The following DYSF variants were observed in gnomAD, a reference collection of about 807,000 sequenced individuals.
DYSF encodes the protein dysferlin, also known as dystrophy-associated fer-1-like 1.
DYSF carries 212 observed loss-of-function variants against 274.9 expected under a neutral mutation model. That is an observed-to-expected ratio of 0.77 (90% CI 0.69 to 0.86). The LOEUF is 0.86. Ranked by LOEUF, DYSF falls within the 40% of genes least tolerant of loss-of-function variation. DYSF has a pLI of 0.00. For missense variants in DYSF, 2,666 were observed against 2,783.2 expected, an observed-to-expected ratio of 0.96 and a Z score of 0.95; for synonymous variants, 1,091 against 1,078.7, an observed-to-expected ratio of 1.01 and a Z score of -0.22.
At position 71,567,193 on chromosome 2, in the gene DYSF, A is replaced by C. The variant is rs137871310; in HGVS notation, c.2566-758A>C. ...TGTTTCATGTTGGGTTGTTGTGGTT[A>C]TTCCATTTGGCAGAGCTTCTGAAAG... On this transcript the variant is annotated intron_variant, in intron 24 of 55. Coordinates refer to ENST00000410020, the MANE Select transcript of DYSF (RefSeq NM_001130987.2). Among the ~76,000 whole-genome samples the C allele has an allele frequency of 1.8e-3, 269 of 152,354 alleles. 1 individual carries two copies. The highest frequency in any genetic ancestry group is 5.6e-3 in the African/African-American group (233 of 41,574).
chr2:71,656,389 G>C (rs2094770960), intron 43 of DYSF, 99 bp downstream of exon 43: 2 of 1,561,024 alleles, frequency 1.3e-6, no homozygotes, highest in Non-Finnish European at 1.8e-6. Flanking sequence ...GGTGACCCTG[G>C]TGCTGATGTT....
chr2:71,582,106 CAAAAA>C (rs1159294834), intron 30 of DYSF, among the ~76,000 whole-genome samples: 5 of 35,120 alleles, frequency 1.4e-4, no homozygotes, highest in South Asian at 2.7e-3. Flanking sequence ...GACTCCGTCT[CAAAAA>C]AAAAAAAAAA....
chr2:71,620,773 G>T (rs1184938503), intron 41 of DYSF, among the ~76,000 whole-genome samples, 164 bp downstream of exon 41: 1 of 152,136 alleles, frequency 6.6e-6, no homozygotes. Context: ...AAAAGGAGGG[G>T]TGAGAGAAAG....
At chr2:71,611,197 T>C in intron 36 of DYSF, 48 bp from the exon 37 acceptor site, 1 of 1,402,750 alleles carries the variant, frequency 7.1e-7, no homozygotes, top group East Asian at 2.3e-5. Context: ...CTTTTTGCCT[T>C]GGTCTTCCTT....
chr2:71,477,725 T>C (rs969664734), intron 1 of DYSF, among the ~76,000 whole-genome samples: 4 of 152,256 alleles, frequency 2.6e-5, no homozygotes, highest in African/African-American at 9.6e-5. Context: ...TGAATTTTAA[T>C]GTAGCAGAGT....
intron 3 of DYSF, among the ~76,000 whole-genome samples, chr2:71,498,845 T>A (rs1559009895): frequency 6.6e-6 from 1 of 152,214 alleles, no homozygotes; most frequent in African/African-American, 2.4e-5. Flanking sequence ...TTTTTATAAT[T>A]TTTGCAAAGC....
In DYSF at chr2:71,456,393, TG is replaced by T. The variant is rs2081064633; in HGVS notation, c.88+2309del. Among the ~76,000 whole-genome samples, 4 of 152,112 alleles carry T rather than the reference TG, an allele frequency of 2.6e-5. No homozygotes were observed. The South Asian group carries it at 8.3e-4, about 31-fold the overall frequency. ...CAAGCTCCTAACCCATGTCCAAATT[TG>T]GCCTCCCTGTGACATTCAGGCCTGC... On this transcript the variant is annotated intron_variant, in intron 1 of 54. Coordinates refer to the DYSF transcript ENST00000258104.
At chr2:71,644,335 C>T (rs1003130528) in intron 42 of DYSF, among the ~76,000 whole-genome samples, 82 of 152,180 alleles carry the variant, frequency 5.4e-4, no homozygotes, top group Non-Finnish European at 1.5e-4. Context: ...TCTGTGTTAA[C>T]GTGCCCCAGC....
chr2:71,602,230 TG>T (rs1325054287), intron 35 of DYSF, among the ~76,000 whole-genome samples: 2 of 152,248 alleles, frequency 1.3e-5, no homozygotes, highest in African/African-American at 2.4e-5. Flanking sequence ...AGTAGTCATC[TG>T]GGCTGTGTTT....
intron 41 of DYSF, among the ~76,000 whole-genome samples, chr2:71,632,532 C>T (rs1023477008): frequency 6.6e-6 from 1 of 152,142 alleles, no homozygotes; most frequent in Non-Finnish European, 1.5e-5. Flanking sequence ...TAGTTTTTCT[C>T]TTAAGTAGTT....
chr2:71,574,640 A>T (rs900096220), intron 30 of DYSF, among the ~76,000 whole-genome samples: 1 of 152,264 alleles, frequency 6.6e-6, no homozygotes, highest in Non-Finnish European at 1.5e-5. Context: ...GCAGAGGGGA[A>T]GATGGCCTTG....
chr2:71,522,859 T>C (rs1006885850), intron 12 of DYSF, among the ~76,000 whole-genome samples: 2 of 152,164 alleles, frequency 1.3e-5, no homozygotes, highest in African/African-American at 4.8e-5. Context: ...GTTTCATTCT[T>C]TACCCCTCAA....
chr2:71,576,124 C>G (rs1467537201), intron 30 of DYSF: 1 of 152,408 alleles, frequency 6.6e-6, no homozygotes, highest in Non-Finnish European at 1.5e-5. Flanking sequence ...AGCCCCTGCA[C>G]CTGGGTGAGG....
intron 43 of DYSF, among the ~76,000 whole-genome samples, chr2:71,658,663 T>A (rs2094821013): frequency 6.6e-6 from 1 of 152,156 alleles, no homozygotes; most frequent in Non-Finnish European, 1.5e-5. Flanking sequence ...CAGAAACACC[T>A]GATAAACCCA....
chr2:71,639,661 T>C (rs2094457877), intron 41 of DYSF, among the ~76,000 whole-genome samples: 1 of 152,226 alleles, frequency 6.6e-6, no homozygotes, highest in South Asian at 2.1e-4. Context: ...TGTTGGACAC[T>C]TAAGTTGCTT....
rs750860886 is a variant in DYSF at position 71,674,286 on chromosome 2, T to G, written c.5874T>G (p.Asp1958Glu). The change falls in exon 52 of 56, where the codon GAT (aspartate) becomes GAG (glutamate). Residue 1958 changes from aspartate (D) to glutamate (E), a missense_variant. Physicochemically the swap from Asp to Glu is conservative, Grantham distance 45. This residue lies in a region of DYSF where 1,460 missense variants were observed against 1,502.1 expected (regional missense o/e 0.97). Transcript: ENST00000410020. ...GGGACAATGACAAGTTCTCCTTTGA[T>G]GATTTTCTGGGTAAGCGCTATTGCT... is the stretch of plus-strand genomic sequence containing the variant. The part of the protein sequence containing the change: ...QIWDNDKFSF[D>E]DFLGSLQLDL... 7.3e-5 allele frequency: 118 copies of G among 1,614,108 alleles called. No individual in the cohort carries two copies. The highest frequency in any genetic ancestry group is 9.1e-5 in the Non-Finnish European group (107 of 1,180,028).
In DYSF at chr2:71,551,854, G is replaced by A. The variant is rs56089759; in HGVS notation, c.1806+134G>A. ...ACACGCATCGTGCCTTTACCTCCCC[G>A]GGCCTCAAGTCTCAGCTGTAAAGTG... On this transcript the variant is annotated intron_variant, in intron 19 of 55. Coordinates refer to ENST00000410020, the MANE Select transcript of DYSF (RefSeq NM_001130987.2). 1.8e-4 allele frequency: 121 copies of A among 668,682 alleles called. 1 individual carries two copies. The highest frequency in any genetic ancestry group is 1.8e-3 in the African/African-American group (100 of 55,932). The allele number at this position is 668,682 out of a possible 1,614,324, so 41.4% of individuals were successfully genotyped here. A position where few individuals can be genotyped will look rare whatever the true frequency, so the allele number is the denominator to read the frequency against.
chr2:71,500,299 T>C (rs753626730), intron 3 of DYSF, among the ~76,000 whole-genome samples: 173 of 152,238 alleles, frequency 1.1e-3, no homozygotes, highest in Non-Finnish European at 1.9e-3. Context: ...TTTCTGACTC[T>C]TGTGAACTTG....
intron 3 of DYSF, among the ~76,000 whole-genome samples, chr2:71,500,819 C>A (rs1247760004): frequency 6.6e-6 from 1 of 152,070 alleles, no homozygotes; most frequent in Non-Finnish European, 1.5e-5. Context: ...AGCCTCAGTG[C>A]TCTGGGGGAT....
Sources: allele counts gnomAD v4.1 joint callset (sites outside exome capture counted in the v4.1 genomes callset), GRCh38; gene constraint gnomAD v4.1.1; regional missense constraint gnomAD v4.1.1; transcripts MANE v1.5; gene names NCBI Gene and HGNC (gene_info 2026-07-23, HGNC 2026-07-21).